The following MTUS1 variants were observed in gnomAD, a reference collection of about 807,000 sequenced individuals.
MTUS1 encodes the protein microtubule associated scaffold protein 1, also known as microtubule-associated tumor suppressor 1.
MTUS1 carries 109 observed loss-of-function variants against 120.8 expected under a neutral mutation model. That is an observed-to-expected ratio of 0.90 (90% CI 0.77 to 1.06). The LOEUF (loss-of-function observed/expected upper bound fraction) is 1.06, where lower values mean the gene tolerates loss of function less well. MTUS1 is among the 50% of genes least tolerant of loss of function. The pLI, the probability that MTUS1 is intolerant of heterozygous loss-of-function variation, is 0.00. For synonymous variants in MTUS1, 737 were observed against 550.5 expected, an observed-to-expected ratio of 1.34 and a Z score of -4.74; for missense variants, 2,210 against 1,486.3, an observed-to-expected ratio of 1.49 and a Z score of -8.01.
chr8:17,647,903 C>T (rs17633197), intron 13 of MTUS1, among the ~76,000 whole-genome samples: 8,825 of 152,222 alleles, frequency 0.058, 428 homozygotes, highest in East Asian at 0.24. Flanking sequence ...AGGACTAACG[C>T]GCTTTGAGTA....
chr8:17,689,528 G>T (rs1304330519), intron 6 of MTUS1, among the ~76,000 whole-genome samples: 1 of 152,036 alleles, frequency 6.6e-6, no homozygotes, highest in Non-Finnish European at 1.5e-5. Context: ...CATATAGCTG[G>T]CAGGAAAAAA....
At chr8:17,763,906 CA>C (rs2049251152) in intron 1 of MTUS1, among the ~76,000 whole-genome samples, 1 of 151,416 alleles carries the variant, frequency 6.6e-6, no homozygotes. Context: ...TGTGACCACA[CA>C]GATGAACAAA....
chr8:17,776,786 T>C (rs971209060), intron 1 of MTUS1, among the ~76,000 whole-genome samples: 7 of 151,762 alleles, frequency 4.6e-5, no homozygotes, highest in Admixed American at 3.9e-4. Flanking sequence ...TATTAAACAT[T>C]ACTCATAGGT....
At chr8:17,788,379 C>T (rs548634428) in intron 1 of MTUS1, among the ~76,000 whole-genome samples, 2 of 152,270 alleles carry the variant, frequency 1.3e-5, no homozygotes, top group South Asian at 2.1e-4. Flanking sequence ...CTGTAATCTG[C>T]TTGCCAACTA....
chr8:17,650,569 G>A (rs962897363), intron 12 of MTUS1, among the ~76,000 whole-genome samples: 5 of 152,124 alleles, frequency 3.3e-5, no homozygotes, highest in Non-Finnish European at 7.3e-5. Flanking sequence ...AGTTTGCCAG[G>A]CATAGTGGCA....
chr8:17,645,758 A>T lies in MTUS1; in HGVS notation c.*168T>A. Reference sequence around the variant, plus strand: ...TGGACGGAGGCAAAAGTCTTCCTCCAGAGTTCCAGTCTCAGAAGCTGCGAT... The same window carrying T: ...TGGACGGAGGCAAAAGTCTTCCTCCTGAGTTCCAGTCTCAGAAGCTGCGAT... On this transcript the variant is annotated 3_prime_UTR_variant, in exon 15 of 15. Transcript: ENST00000693296. 1 of 843,658 alleles carries T rather than the reference A, an allele frequency of 1.2e-6. No homozygotes were observed. Among genetic ancestry groups the T allele is most frequent in the Non-Finnish European group, 1.7e-6 (1 of 592,796 alleles). 52.3% of individuals were successfully genotyped at this position (843,658 alleles called of 1,614,324 possible).
At chr8:17,744,680 C>T (rs1309843463) in intron 2 of MTUS1, among the ~76,000 whole-genome samples, 3 of 144,488 alleles carry the variant, frequency 2.1e-5, no homozygotes, top group Non-Finnish European at 4.6e-5. Flanking sequence ...TGGGGTTTCA[C>T]CATGTTTTCT....
intron 6 of MTUS1, among the ~76,000 whole-genome samples, chr8:17,687,992 G>A (rs962299612): frequency 6.6e-6 from 1 of 152,110 alleles, no homozygotes; most frequent in African/African-American, 2.4e-5. Flanking sequence ...TTAAGACATG[G>A]ACTAACCGTA....
intron 4 of MTUS1, among the ~76,000 whole-genome samples, chr8:17,717,204 A>C (rs1040143756): frequency 6.6e-6 from 1 of 152,148 alleles, no homozygotes; most frequent in African/African-American, 2.4e-5. Flanking sequence ...TATTAGGTCA[A>C]ATCAACACAG....
At chr8:17,657,685 G>C (rs1359193227) in intron 8 of MTUS1, among the ~76,000 whole-genome samples, 2 of 144,476 alleles carry the variant, frequency 1.4e-5, no homozygotes, top group African/African-American at 5.2e-5. Flanking sequence ...AAATTATCCA[G>C]GCATGATGGT....
At chr8:17,746,005 T>G (rs369202938) in intron 2 of MTUS1, among the ~76,000 whole-genome samples, 3 of 152,316 alleles carry the variant, frequency 2.0e-5, no homozygotes, top group East Asian at 3.9e-4. Context: ...CCTCACTCTC[T>G]TCCTCCTCCT....
At position 17,645,986 on chromosome 8, in the gene MTUS1, G is replaced by A. The variant is rs368889001; in HGVS notation, c.3753C>T (p.Ile1251=). Residue 1251 remains isoleucine, a synonymous_variant, in exon 15 of 15, where the codon ATC becomes ATT. Coordinates refer to ENST00000693296, the MANE Select transcript of MTUS1 (RefSeq NM_001363059.2). ...CCGAATTCCTTGGTGACTGCAAAGGGATGGCGGAGGATGTGGGGGATCTCT... is the reference window on the plus strand; with the variant it reads ...CCGAATTCCTTGGTGACTGCAAAGGAATGGCGGAGGATGTGGGGGATCTCT... ...SPKRSPTSSA[I]PLQSPRNSGS... is the part of the protein sequence containing the mutation. The A allele has an allele frequency of 1.4e-5, 23 of 1,613,460 alleles. No homozygotes were observed. Among genetic ancestry groups the A allele is most frequent in the African/African-American group, 2.7e-5 (2 of 74,896 alleles).
chr8:17,744,823 G>A (rs112638806), intron 2 of MTUS1, among the ~76,000 whole-genome samples: 3 of 151,746 alleles, frequency 2.0e-5, no homozygotes, highest in African/African-American at 2.4e-5. Flanking sequence ...GATTACAGGC[G>A]TGAGCCAATA....
At chr8:17,732,651 A>G (rs2410507) in intron 3 of MTUS1, among the ~76,000 whole-genome samples, 31,879 of 152,044 alleles carry the variant, frequency 0.21, 3,594 homozygotes, top group African/African-American at 0.28. Flanking sequence ...CCTCTTATCA[A>G]TCATTTCTAT....
At chr8:17,712,564 C>T (rs868047510) in intron 6 of MTUS1, among the ~76,000 whole-genome samples, 2 of 152,084 alleles carry the variant, frequency 1.3e-5, no homozygotes, top group Non-Finnish European at 2.9e-5. Flanking sequence ...GTCTTGAACT[C>T]CTGACCTCAA....
chr8:17,795,757 A>G (rs1479853593), intron 1 of MTUS1, among the ~76,000 whole-genome samples: 1 of 151,784 alleles, frequency 6.6e-6, no homozygotes, highest in Non-Finnish European at 1.5e-5. Context: ...CTCCTGCCTC[A>G]GCCTCCCACG....
intron 8 of MTUS1, among the ~76,000 whole-genome samples, chr8:17,671,207 T>C (rs2130593739): frequency 6.6e-6 from 1 of 152,152 alleles, no homozygotes; most frequent in East Asian, 1.9e-4. Flanking sequence ...AATAAAGTTA[T>C]GTCAGGGCAG....
At chr8:17,651,543 T>C (rs1471242805) in intron 12 of MTUS1, 2 of 151,984 alleles carry the variant, frequency 1.3e-5, no homozygotes, top group African/African-American at 4.8e-5. Context: ...TTTTTTTTTT[T>C]TTACCTTGAA....
At chr8:17,775,657 T>G (rs1229424441) in intron 1 of MTUS1, among the ~76,000 whole-genome samples, 1 of 152,220 alleles carries the variant, frequency 6.6e-6, no homozygotes, top group Non-Finnish European at 1.5e-5. Flanking sequence ...AAGAGTAAAA[T>G]TATCATAGTA....
Sources: allele counts gnomAD v4.1 joint callset (sites outside exome capture counted in the v4.1 genomes callset), GRCh38; gene constraint gnomAD v4.1.1; transcripts MANE v1.5; gene names NCBI Gene and HGNC (gene_info 2026-07-23, HGNC 2026-07-21).